WDFY4: variants seen among roughly 807,000 people sequenced by gnomAD.
WDFY4 encodes the protein WD repeat- and FYVE domain-containing protein 4.
In WDFY4, 169 loss-of-function variants were observed where a neutral mutation model predicts 351.9. The observed-to-expected ratio is 0.48, with a 90% CI of 0.42 to 0.55. The LOEUF is 0.55. WDFY4 is among the 20% of genes least tolerant of loss of function. WDFY4 has a pLI of 0.00. For synonymous variants in WDFY4, 1,622 were observed against 1,574.6 expected, an observed-to-expected ratio of 1.03 and a Z score of -0.71; for missense variants, 3,803 against 3,935.6, an observed-to-expected ratio of 0.97 and a Z score of 0.90.
chr10:48,813,892 C>G, intron 30 of WDFY4, 65 bp from the exon 31 acceptor site: 7 of 1,420,036 alleles, frequency 4.9e-6, no homozygotes, highest in Non-Finnish European at 6.5e-6. Flanking sequence ...GATGAACTGG[C>G]TGCAAAGCTC....
intron 12 of WDFY4, among the ~76,000 whole-genome samples, chr10:48,748,398 G>T (rs1306620620): frequency 6.6e-6 from 1 of 152,174 alleles, no homozygotes; most frequent in Non-Finnish European, 1.5e-5. Context: ...AATAAAGCTA[G>T]AATTTGAACC....
intron 46 of WDFY4, 50 bp from the exon 47 acceptor site, chr10:48,901,751 G>T: frequency 6.5e-7 from 1 of 1,534,306 alleles, no homozygotes; most frequent in Non-Finnish European, 8.8e-7. Flanking sequence ...TGCAGCAGGA[G>T]AAAGGGTCTT....
In WDFY4 at chr10:48,805,438, C is replaced by A; in HGVS notation, c.4646+17C>A. 6.5e-7 allele frequency: 1 copy of A among 1,545,894 alleles called. No homozygotes were observed. ...CTTGCTCAGGTACCACACCAAGCTG[C>A]CCAGGGGGAAGAGCAGGGCCCCAGG... On this transcript the variant is annotated intron_variant, in intron 26 of 61. Transcript: ENST00000325239.
chr10:48,702,534 T>C (rs368073314), intron 1 of WDFY4, among the ~76,000 whole-genome samples: 4 of 152,206 alleles, frequency 2.6e-5, no homozygotes, highest in African/African-American at 9.7e-5. Context: ...GCCTTTGAGA[T>C]GCAGCCAGGG....
chr10:48,731,667 C>T, intron 9 of WDFY4, 105 bp downstream of exon 9: 1 of 1,277,770 alleles, frequency 7.8e-7, no homozygotes, highest in Non-Finnish European at 1.1e-6. Flanking sequence ...AGTGAGCATG[C>T]CCATGTCACT....
chr10:48,925,794 G>A (rs1309000765), intron 47 of WDFY4, among the ~76,000 whole-genome samples: 2 of 152,096 alleles, frequency 1.3e-5, no homozygotes, highest in Non-Finnish European at 2.9e-5. Context: ...ATCAATTTTG[G>A]AAATACTGCC....
rs977029050 is a variant in WDFY4 at position 48,897,533 on chromosome 10, G to A, written c.7396G>A (p.Ala2466Thr). 1.4e-5 allele frequency: 21 copies of A among 1,550,678 alleles called. No individual in the cohort carries two copies. In the Admixed American group the frequency reaches 3.5e-4, roughly 26 times the overall value. ...DHYSCQCHSY[A>T]DMRELRQARF... Reference sequence around the variant, plus strand: ...TTACTCGTGCCAGTGCCACAGCTACGCTGACATGCGGGAGCTACGGCAGGC... The same window carrying A: ...TTACTCGTGCCAGTGCCACAGCTACACTGACATGCGGGAGCTACGGCAGGC... Residue 2466 changes from alanine to threonine, a missense_variant, in exon 45 of 62, where the codon GCT becomes ACT. Physicochemically the swap from Ala to Thr is moderately conservative, Grantham distance 58. Around this residue, in one of 3 missense-constraint regions of WDFY4, gnomAD observed 3,054 missense variants for 3,148.6 expected, o/e 0.97. Transcript: ENST00000325239.
intron 39 of WDFY4, among the ~76,000 whole-genome samples, chr10:48,864,358 T>C (rs2069461374): frequency 1.3e-5 from 2 of 152,238 alleles, no homozygotes; most frequent in Non-Finnish European, 2.9e-5. Context: ...CATTGTATAG[T>C]TTTGGCACCT....
Position 48,959,718 on chromosome 10 carries a change from G to A in WDFY4, c.8132-4G>A. The A allele has an allele frequency of 6.4e-7, 1 of 1,551,534 alleles. No homozygotes were observed. Among genetic ancestry groups the A allele is most frequent in the Non-Finnish European group, 8.7e-7 (1 of 1,146,912 alleles). ...AAATCTCTGCTGCTTCTCATCCCAT[G>A]CAGGCTGCATGCAGGACGGGACTGT... On this transcript the variant is annotated splice_region_variant and splice_polypyrimidine_tract_variant and intron_variant, in intron 52 of 61. Transcript: ENST00000325239.
rs778795524 is a variant in WDFY4 at position 48,981,473 on chromosome 10, G to A, written c.9483G>A (p.Val3161=). ...KTSPAVTALA[V]SRNHTKLLVG... ...GCCCCGCAGTGACTGCTCTGGCCGTGTCCAGGTAAGCGCGGCCTTGTTTCT... is the reference window on the plus strand; with the variant it reads ...GCCCCGCAGTGACTGCTCTGGCCGTATCCAGGTAAGCGCGGCCTTGTTTCT... The change falls in exon 61 of 62, where the codon GTG becomes GTA. Residue 3161 remains valine (V), a synonymous_variant. Transcript: ENST00000325239. 7.1e-6 allele frequency: 11 copies of A among 1,551,496 alleles called. No individual in the cohort carries two copies. The highest frequency in any genetic ancestry group is 1.7e-4 in the Middle Eastern group (1 of 6,008).
intron 53 of WDFY4, among the ~76,000 whole-genome samples, chr10:48,963,301 A>G (rs1184932350): frequency 6.6e-6 from 1 of 152,140 alleles, no homozygotes; most frequent in Non-Finnish European, 1.5e-5. Flanking sequence ...TCTTACATGA[A>G]CCTGCTAAGA....
chr10:48,899,252 C>A (rs1589834181), intron 45 of WDFY4, among the ~76,000 whole-genome samples: 1 of 152,210 alleles, frequency 6.6e-6, no homozygotes, highest in Non-Finnish European at 1.5e-5. Context: ...ACAAATTCTG[C>A]ATTCACTTCC....
intron 1 of WDFY4, among the ~76,000 whole-genome samples, chr10:48,703,826 G>C (rs1293989762): frequency 6.6e-6 from 1 of 152,238 alleles, no homozygotes; most frequent in Admixed American, 6.5e-5. Flanking sequence ...TGCGCAGAAT[G>C]CCTGGTGTGG....
At chr10:48,856,188 A>G (rs897439413) in intron 39 of WDFY4, among the ~76,000 whole-genome samples, 1 of 152,170 alleles carries the variant, frequency 6.6e-6, no homozygotes, top group Non-Finnish European at 1.5e-5. Flanking sequence ...ATGTTTTGAA[A>G]TAGATGAAGA....
At chr10:48,947,769 C>A (rs778081798) in intron 51 of WDFY4, among the ~76,000 whole-genome samples, 2 of 152,128 alleles carry the variant, frequency 1.3e-5, no homozygotes, top group Non-Finnish European at 2.9e-5. Flanking sequence ...AGCTTTTGAA[C>A]GGGGAGATAG....
At chr10:48,951,696 C>T (rs1370224412) in intron 51 of WDFY4, among the ~76,000 whole-genome samples, 1 of 152,238 alleles carries the variant, frequency 6.6e-6, no homozygotes, top group Non-Finnish European at 1.5e-5. Context: ...TGTTATAGTT[C>T]TTAGGAGTCT....
chr10:48,753,101 T>C (rs1410742979), intron 12 of WDFY4, among the ~76,000 whole-genome samples: 1 of 152,202 alleles, frequency 6.6e-6, no homozygotes, highest in Admixed American at 6.5e-5. Flanking sequence ...ATTTTGATTT[T>C]TGTTTCTCTA....
At chr10:48,694,692 T>A (rs566591008) in intron 1 of WDFY4, among the ~76,000 whole-genome samples, 1 of 152,242 alleles carries the variant, frequency 6.6e-6, no homozygotes, top group East Asian at 1.9e-4. Context: ...CCTCTCACCA[T>A]GCACTCACTC....
At chr10:48,896,954 C>T (rs75314585) in intron 44 of WDFY4, among the ~76,000 whole-genome samples, 92 of 152,258 alleles carry the variant, frequency 6.0e-4, no homozygotes, top group Middle Eastern at 3.4e-3. Flanking sequence ...GAGACTGTCA[C>T]GCCTGGGCAG....
Sources: allele counts gnomAD v4.1 joint callset (sites outside exome capture counted in the v4.1 genomes callset), GRCh38; gene constraint gnomAD v4.1.1; regional missense constraint gnomAD v4.1.1; transcripts MANE v1.5; gene names NCBI Gene and HGNC (gene_info 2026-07-23, HGNC 2026-07-21).